The following C1QC variants were observed in gnomAD, a reference collection of about 807,000 sequenced individuals.
C1QC encodes complement C1q C chain.
A neutral mutation model predicts 5.9 loss-of-function variants in C1QC; 4 were observed. The ratio of observed to expected loss-of-function variants is 0.68; its 90% CI spans 0.33 to 1.55. The LOEUF is 1.55. C1QC is among the 40% of genes most tolerant of loss of function. C1QC has a pLI of 0.06. For missense variants in C1QC, 299 were observed against 326.9 expected (o/e 0.91, Z 0.66); for synonymous variants, 166 against 153.8 (o/e 1.08, Z -0.59).
chr1:22,644,893 C>T (rs1298210528), intron 2 of C1QC, among the ~76,000 whole-genome samples: 1 of 152,078 alleles, frequency 6.6e-6, no homozygotes, highest in Non-Finnish European at 1.5e-5. Context: ...GCCAGAGAAA[C>T]TTCTGTTGGA....
At position 22,643,728 on chromosome 1, in the gene C1QC, C is replaced by A. The variant is rs1642314070; in HGVS notation, c.-14+14C>A. ...GCCCACCTGCAGGTGAGGCCCGGACCCCTGCCCAGGTATGGGCAGATGGCC... is the reference window on the plus strand; with the variant it reads ...GCCCACCTGCAGGTGAGGCCCGGACACCTGCCCAGGTATGGGCAGATGGCC... On this transcript the variant is annotated intron_variant, in intron 1 of 2. Coordinates refer to ENST00000374640, the MANE Select transcript of C1QC (RefSeq NM_172369.5). 3 of 1,256,992 alleles carry A rather than the reference C, an allele frequency of 2.4e-6. No individual in the cohort carries two copies. The highest frequency in any genetic ancestry group is 3.0e-6 in the Non-Finnish European group (3 of 1,000,240). 77.9% of individuals were successfully genotyped at this position (1,256,992 alleles called of 1,614,324 possible).
intron 2 of C1QC, among the ~76,000 whole-genome samples, chr1:22,645,303 C>A (rs2148295675): frequency 6.6e-6 from 1 of 152,202 alleles, no homozygotes; most frequent in East Asian, 1.9e-4. Context: ...ACCTCCCTGC[C>A]CAGGGTAGCT....
At chr1:22,643,918 C>T (rs1488313264) in intron 1 of C1QC, 93 bp from the exon 2 acceptor site, 12 of 1,429,410 alleles carry the variant, frequency 8.4e-6, no homozygotes, top group Non-Finnish European at 1.1e-5. Context: ...GGAAGGCGAG[C>T]TCCCGAGGGC....
Position 22,648,034 on chromosome 1 carries a change from G to T in C1QC, c.*251G>T. On this transcript the variant is annotated 3_prime_UTR_variant, in exon 3 of 3. Transcript: ENST00000374640. ...CACTTAACCAATGCCTTCTGGTACT[G>T]CCATTCTTTTTTTTTTTTTTTTCAA... 1 of 422,450 alleles carries T rather than the reference G, an allele frequency of 2.4e-6. No individual in the cohort carries two copies. 26.2% of individuals were successfully genotyped at this position (422,450 alleles called of 1,614,324 possible).
intron 2 of C1QC, among the ~76,000 whole-genome samples, chr1:22,645,908 C>T (rs912416178): frequency 6.6e-5 from 10 of 152,084 alleles, no homozygotes; most frequent in African/African-American, 1.9e-4. Context: ...CCCAGCCTGA[C>T]GGAAGTCAGA....
chr1:22,643,847 G>C, intron 1 of C1QC, 133 bp downstream of exon 1: 3 of 1,358,638 alleles, frequency 2.2e-6, no homozygotes, highest in South Asian at 3.7e-5. Flanking sequence ...GCTGGGCCCC[G>C]GGGCCTGGGC....
Position 22,647,564 on chromosome 1 carries a change from G to A in C1QC, c.519G>A (p.Ser173=), listed in dbSNP as rs777173734. Residue 173 remains serine, a synonymous_variant, in exon 3 of 3, where the codon TCG becomes TCA. Coordinates refer to ENST00000374640, the MANE Select transcript of C1QC (RefSeq NM_172369.5). ...TCTACTACTTTGTCTACCACGCGTC[G>A]CATACAGCCAACCTGTGCGTGCTGC... ...PGLYYFVYHA[S]HTANLCVLLY... The A allele has an allele frequency of 1.1e-5, 18 of 1,614,186 alleles. No homozygotes were observed. The highest frequency in any genetic ancestry group is 2.2e-5 in the East Asian group (1 of 44,876).
chr1:22,648,039 T>TA lies in C1QC; in HGVS notation c.*256_*257insA. ...AACCAATGCCTTCTGGTACTGCCAT[T>TA]CTTTTTTTTTTTTTTTTCAAGTATT... On this transcript the variant is annotated 3_prime_UTR_variant, in exon 3 of 3. Coordinates refer to ENST00000374640, the MANE Select transcript of C1QC (RefSeq NM_172369.5). The TA allele has an allele frequency of 7.6e-6, 3 of 392,830 alleles. No individual in the cohort carries two copies. Among genetic ancestry groups the TA allele is most frequent in the East Asian group, 4.6e-5 (1 of 21,884 alleles). 24.3% of individuals were successfully genotyped at this position (392,830 alleles called of 1,614,324 possible). A position where few individuals can be genotyped will look rare whatever the true frequency, so the allele number is the denominator to read the frequency against.
chr1:22,644,547 G>A (rs1344363168), intron 2 of C1QC, among the ~76,000 whole-genome samples: 1 of 152,218 alleles, frequency 6.6e-6, no homozygotes, highest in Non-Finnish European at 1.5e-5. Context: ...ATGGGCACCT[G>A]GGGAAGCTGG....
At chr1:22,643,917 G>C (rs953364445) in intron 1 of C1QC, 94 bp from the exon 2 acceptor site, 2 of 1,427,702 alleles carry the variant, frequency 1.4e-6, no homozygotes, top group Non-Finnish European at 1.9e-6. Flanking sequence ...AGGAAGGCGA[G>C]CTCCCGAGGG....
Position 22,644,128 on chromosome 1 carries a change from C to A in C1QC, c.105C>A (p.Ile35=), listed in dbSNP as rs747269629. The A allele has an allele frequency of 1.6e-5, 25 of 1,583,488 alleles. 1 individual carries two copies. Residue 35 remains isoleucine, a synonymous_variant, in exon 2 of 3, where the codon ATC becomes ATA. Coordinates refer to ENST00000374640, the MANE Select transcript of C1QC (RefSeq NM_172369.5). ...RGQANTGCYG[I]PGMPGLPGAP... ...AAGCCAACACAGGCTGCTACGGGAT[C>A]CCAGGGATGCCCGGCCTGCCCGGGG...
chr1:22,646,328 GAT>G (rs1227220444), intron 2 of C1QC, among the ~76,000 whole-genome samples: 1 of 152,248 alleles, frequency 6.6e-6, no homozygotes, highest in African/African-American at 2.4e-5. Context: ...CTCAGGAGCA[GAT>G]ATAGGTTTTG....
rs1276091560 is a variant in C1QC, at chr1:22,647,375, G to A, written c.330G>A (p.Glu110=). The change falls in exon 3 of 3, where the codon GAG becomes GAA. Residue 110 remains glutamate, a synonymous_variant. Coordinates refer to ENST00000374640, the MANE Select transcript of C1QC (RefSeq NM_172369.5). ...TGGGCATCCCTGGAGAGCCAGGTGAGGAGGGCAGATACAAGCAGAAATTCC... is the reference window on the plus strand; with the variant it reads ...TGGGCATCCCTGGAGAGCCAGGTGAAGAGGGCAGATACAAGCAGAAATTCC... ...GPMGIPGEPG[E]EGRYKQKFQS... is the part of the protein sequence containing the mutation. The A allele has an allele frequency of 7.4e-6, 12 of 1,613,952 alleles. No individual in the cohort carries two copies. Among genetic ancestry groups the A allele is most frequent in the Non-Finnish European group, 9.3e-6 (11 of 1,180,022 alleles).
chr1:22,647,722 A>G lies in C1QC; in HGVS notation c.677A>G (p.Asp226Gly). The change falls in exon 3 of 3, where the codon GAC (aspartate) becomes GGC (glycine). Residue 226 changes from aspartate to glycine, a missense_variant. This residue lies in a region of C1QC where 144 missense variants were observed against 155.1 expected (regional missense o/e 0.93). Coordinates refer to ENST00000374640, the MANE Select transcript of C1QC (RefSeq NM_172369.5). ...TGGCTGGCTGTCAATGACTACTACGACATGGTGGGCATCCAGGGCTCTGAC... is the reference window on the plus strand; with the variant it reads ...TGGCTGGCTGTCAATGACTACTACGGCATGGTGGGCATCCAGGGCTCTGAC... ...EVWLAVNDYY[D>G]MVGIQGSDSV... 6.2e-7 allele frequency: 1 copy of G among 1,602,072 alleles called. No individual in the cohort carries two copies. Among genetic ancestry groups the G allele is most frequent in the Non-Finnish European group, 8.5e-7 (1 of 1,179,952 alleles).
intron 2 of C1QC, among the ~76,000 whole-genome samples, chr1:22,644,818 T>C (rs1642342388): frequency 6.6e-6 from 1 of 152,128 alleles, no homozygotes; most frequent in Admixed American, 6.6e-5. Context: ...CAGATATCCA[T>C]GCTCACCTCC....
At position 22,644,080 on chromosome 1, in the gene C1QC, G is replaced by A. The variant is rs1355266594; in HGVS notation, c.57G>A (p.Leu19=). ...TTGGGCTGAAGCTGCTGCTGCTCCT[G>A]CTGCTGCTGCCCCTCAGGGGCCAAG... The part of the protein sequence containing the change: ...PHLGLKLLLL[L]LLLPLRGQAN... The change falls in exon 2 of 3, where the codon CTG becomes CTA. Residue 19 remains leucine, a synonymous_variant. Coordinates refer to ENST00000374640, the MANE Select transcript of C1QC (RefSeq NM_172369.5). 1 of 1,575,954 alleles carries A rather than the reference G, an allele frequency of 6.3e-7. No homozygotes were observed. Among genetic ancestry groups the A allele is most frequent in the Non-Finnish European group, 8.6e-7 (1 of 1,161,586 alleles).
chr1:22,648,068 AG>A lies in C1QC; in HGVS notation c.*289del. The A allele has an allele frequency of 2.1e-6, 1 of 486,382 alleles. No homozygotes were observed. Among genetic ancestry groups the A allele is most frequent in the Non-Finnish European group, 3.7e-6 (1 of 273,026 alleles). 30.1% of individuals were successfully genotyped at this position (486,382 alleles called of 1,614,324 possible). ...TTTTTTTTTTTTTTCAAGTATTGGA[AG>A]GGGTGGGGAGATATATAAATAAATC... On this transcript the variant is annotated 3_prime_UTR_variant, in exon 3 of 3. Coordinates refer to ENST00000374640, the MANE Select transcript of C1QC (RefSeq NM_172369.5).
At chr1:22,646,683 T>G (rs1642374134) in intron 2 of C1QC, among the ~76,000 whole-genome samples, 1 of 152,218 alleles carries the variant, frequency 6.6e-6, no homozygotes, top group African/African-American at 2.4e-5. Context: ...AATACAAAAT[T>G]AGGCAAAAGG....
At position 22,647,274 on chromosome 1, in the gene C1QC, G is replaced by A. The variant is rs141230621; in HGVS notation, c.229G>A (p.Glu77Lys). Residue 77 changes from glutamate (E) to lysine (K), a missense_variant, in exon 3 of 3, where the codon GAA (glutamate) becomes AAA (lysine). Physicochemically the swap from Glu to Lys is moderately conservative, Grantham distance 56. Transcript: ENST00000374640. Reference sequence around the variant, plus strand: ...CCGAGGACCCAAAGGGCAGAAGGGAGAACCCGGCTTACCCGGCCATCCTGG... The same window carrying A: ...CCGAGGACCCAAAGGGCAGAAGGGAAAACCCGGCTTACCCGGCCATCCTGG... The part of the protein sequence containing the change: ...GIRGPKGQKG[E>K]PGLPGHPGKN... The A allele has an allele frequency of 4.7e-5, 76 of 1,611,938 alleles. No individual in the cohort carries two copies. In the African/African-American group the frequency reaches 9.3e-4, roughly 20 times the overall value.
Sources: gnomAD v4.1 joint callset for allele counts (sites outside exome capture counted in the v4.1 genomes callset) on GRCh38, gnomAD v4.1.1 for gene constraint, gnomAD v4.1.1 regional missense constraint, MANE v1.5 for transcripts, NCBI Gene and HGNC (gene_info 2026-07-23, HGNC 2026-07-21) for gene names.